PCDH15: variants seen among roughly 807,000 people sequenced by gnomAD.
The protein encoded by PCDH15 is protocadherin related 15.
A neutral mutation model predicts 178.5 loss-of-function variants in PCDH15; 129 were observed. That is an observed-to-expected ratio of 0.72 (90% CI 0.63 to 0.84). The LOEUF (loss-of-function observed/expected upper bound fraction) is 0.84. Ranked by LOEUF, PCDH15 falls within the 40% of genes least tolerant of loss-of-function variation. The probability of loss-of-function intolerance (pLI) is 0.00; values close to 1 mark genes in which losing one functional copy is unlikely to be tolerated. For missense variants in PCDH15, 2,230 were observed against 2,099.9 expected (o/e 1.06, Z -1.21); for synonymous variants, 800 against 732.0 (o/e 1.09, Z -1.50).
At chr10:54,889,022 A>G (rs958895190) in intron 3 of PCDH15, among the ~76,000 whole-genome samples, 2 of 151,796 alleles carry the variant, frequency 1.3e-5, no homozygotes, top group Admixed American at 6.6e-5. Flanking sequence ...TGATGTCTCC[A>G]CTAGGCCATA....
At chr10:53,823,820 A>G (rs1296197498) in intron 32 of PCDH15, 5 of 456,182 alleles carry the variant, frequency 1.1e-5, no homozygotes, top group Admixed American at 7.1e-5. Context: ...GCCAAAAGTA[A>G]TCTCCTCTCT....
Position 54,337,092 on chromosome 10 carries a change from A to G in PCDH15, c.595-7386T>C, listed in dbSNP as rs112256569. Among the ~76,000 whole-genome samples the G allele has an allele frequency of 5.8e-3, 851 of 145,812 alleles. 10 individuals carry two copies. Among genetic ancestry groups the G allele is most frequent in the African/African-American group, 0.021 (803 of 37,680 alleles). ...GCCTTTAGACCCTTTGTTTTTGCCAATTTCTCTCATTTGGAATGTATATAT... is the reference window on the plus strand; with the variant it reads ...GCCTTTAGACCCTTTGTTTTTGCCAGTTTCTCTCATTTGGAATGTATATAT... On this transcript the variant is annotated intron_variant, in intron 6 of 37. Transcript: ENST00000644397.
intron 2 of PCDH15, among the ~76,000 whole-genome samples, chr10:54,919,176 CTT>C (rs1324458787): frequency 6.6e-6 from 1 of 152,090 alleles, no homozygotes; most frequent in Non-Finnish European, 1.5e-5. Flanking sequence ...CTTGAATACT[CTT>C]TTTTTGGATT....
chr10:54,479,042 CCAGCAA>C (rs1404237053), intron 3 of PCDH15, among the ~76,000 whole-genome samples: 2 of 150,794 alleles, frequency 1.3e-5, no homozygotes, highest in African/African-American at 2.4e-5. Context: ...GAAGATTGTG[CCAGCAA>C]CATAAATGGA....
rs1040495284 is a variant in PCDH15 at position 55,210,578 on chromosome 10, T to C, written c.-155-43927A>G. Among the ~76,000 whole-genome samples the C allele has an allele frequency of 7.3e-5, 11 of 150,528 alleles. No individual in the cohort carries two copies. The South Asian group carries it at 1.5e-3, about 20-fold the overall frequency. ...TTTTGCGGGGGGAAAAAAAAGCTAA[T>C]TGAATTTGGCTCTCACGATTTTTTT... On this transcript the variant is annotated intron_variant, in intron 1 of 5. Transcript: ENST00000458638.
chr10:54,822,619 T>G (rs1173354700), intron 3 of PCDH15, among the ~76,000 whole-genome samples: 1 of 152,176 alleles, frequency 6.6e-6, no homozygotes, highest in Non-Finnish European at 1.5e-5. Context: ...ATCTTTTCAA[T>G]ATACTGATTT....
rs1325135150 is a variant in PCDH15, at chr10:54,332,865, T to A, written c.595-3159A>T. 3.9e-5 allele frequency among the ~76,000 whole-genome samples: 6 copies of A among 152,244 alleles called. No homozygotes were observed. In the East Asian group the frequency reaches 1.2e-3, roughly 29 times the overall value. The stretch of plus-strand genomic sequence containing the variant: ...CAGAGCACTTTCAATTGCACTGAAT[T>A]CTTATCATCTTAAATCTATCCTTTA... On this transcript the variant is annotated intron_variant, in intron 6 of 37. Coordinates refer to ENST00000644397, the MANE Select transcript of PCDH15 (RefSeq NM_001384140.1).
At chr10:54,832,322 TG>T (rs1217899490) in intron 3 of PCDH15, among the ~76,000 whole-genome samples, 1 of 151,008 alleles carries the variant, frequency 6.6e-6, no homozygotes, top group Non-Finnish European at 1.5e-5. Context: ...AAATAATCAA[TG>T]GAATATATAA....
intron 2 of PCDH15, among the ~76,000 whole-genome samples, chr10:55,058,859 A>C (rs1841366605): frequency 6.6e-6 from 1 of 152,192 alleles, no homozygotes; most frequent in Admixed American, 6.6e-5. Context: ...CCTGTCTTTC[A>C]CTTAACACTA....
At chr10:55,431,380 T>C (rs780624026) in intron 2 of PCDH15, among the ~76,000 whole-genome samples, 105 of 152,140 alleles carry the variant, frequency 6.9e-4, no homozygotes, top group Non-Finnish European at 5.7e-4. Context: ...TTGTCACGAC[T>C]AAGGCTCCAT....
At chr10:54,631,566 A>G (rs986522943) in intron 2 of PCDH15, among the ~76,000 whole-genome samples, 6 of 152,132 alleles carry the variant, frequency 3.9e-5, no homozygotes, top group Admixed American at 2.6e-4. Flanking sequence ...CACACTAAGG[A>G]AAATAAATCA....
chr10:55,126,811 C>A (rs1253086029), intron 2 of PCDH15, among the ~76,000 whole-genome samples: 2 of 152,038 alleles, frequency 1.3e-5, no homozygotes, highest in East Asian at 3.9e-4. Flanking sequence ...AAAGGACAAA[C>A]TTTGTACAAC....
intron 6 of PCDH15, among the ~76,000 whole-genome samples, chr10:54,338,868 TA>T (rs954729494): frequency 1.4e-4 from 20 of 146,366 alleles, no homozygotes; most frequent in African/African-American, 4.2e-4. Context: ...GGCATTAAAA[TA>T]AAAAAAAAGA....
At chr10:55,438,984 C>T (rs1480436083) in intron 2 of PCDH15, among the ~76,000 whole-genome samples, 2 of 151,786 alleles carry the variant, frequency 1.3e-5, no homozygotes, top group Admixed American at 6.6e-5. Flanking sequence ...CTACAAGCTC[C>T]GCCTCCCGGG....
chr10:54,462,495 C>CTTTTCTTTTCT (rs2077231772), intron 3 of PCDH15, among the ~76,000 whole-genome samples: 1 of 76,388 alleles, frequency 1.3e-5, no homozygotes, highest in African/African-American at 5.0e-5. Flanking sequence ...CTTTTCTTTT[C>CTTTTCTTTTCT]TTTTTCTTTT....
At chr10:54,099,513 A>AAAAAAAAAAAAATATAT (rs1347306483) in intron 15 of PCDH15, among the ~76,000 whole-genome samples, 4 of 117,932 alleles carry the variant, frequency 3.4e-5, no homozygotes, top group South Asian at 2.9e-4. Flanking sequence ...AAAAAAAAAA[A>AAAAAAAAAAAAATATAT]ATATATATAT....
intron 1 of PCDH15, among the ~76,000 whole-genome samples, chr10:55,252,147 A>G (rs1238274626): frequency 1.3e-5 from 2 of 152,190 alleles, no homozygotes; most frequent in African/African-American, 2.4e-5. Context: ...TGTTCCACCA[A>G]AAAGGTATAA....
Position 54,329,455 on chromosome 10 carries a change from T to C in PCDH15, c.705+141A>G, listed in dbSNP as rs1938938349. 7 of 645,010 alleles carry C rather than the reference T, an allele frequency of 1.1e-5. No individual in the cohort carries two copies. The East Asian group carries it at 1.9e-4, about 17-fold the overall frequency. The allele number at this position is 645,010 out of a possible 1,614,324, so 40.0% of individuals were successfully genotyped here. ...ATCCCTTTCTCCATCTATAAGAGTA[T>C]TATATATAAACACCAAGGGCAGGAG... is the stretch of plus-strand genomic sequence containing the variant. On this transcript the variant is annotated intron_variant, in intron 7 of 37. Transcript: ENST00000644397.
chr10:54,508,350 A>C (rs933941581), intron 3 of PCDH15, among the ~76,000 whole-genome samples: 1 of 152,010 alleles, frequency 6.6e-6, no homozygotes, highest in Non-Finnish European at 1.5e-5. Context: ...CATGGAATTA[A>C]AAACAAGAAA....
Sources: allele counts gnomAD v4.1 joint callset (sites outside exome capture counted in the v4.1 genomes callset), GRCh38; gene constraint gnomAD v4.1.1; transcripts MANE v1.5; gene names NCBI Gene and HGNC (gene_info 2026-07-23, HGNC 2026-07-21).